Variants in LRFN5 observed in about 807,000 individuals in gnomAD.
The protein encoded by LRFN5 is leucine-rich repeat and fibronectin type-III domain-containing protein 5.
A neutral mutation model predicts 45.6 loss-of-function variants in LRFN5; 24 were observed. The ratio of observed to expected loss-of-function variants is 0.53; its 90% CI spans 0.38 to 0.74. LRFN5 has a LOEUF of 0.74. Ranked by LOEUF, LRFN5 falls within the 30% of genes least tolerant of loss-of-function variation. The pLI, the probability that LRFN5 is intolerant of heterozygous loss-of-function variation, is 0.00. For synonymous variants in LRFN5, 340 were observed against 313.8 expected (o/e 1.08, Z -0.88); for missense variants, 776 against 861.5 (o/e 0.90, Z 1.24).
chr14:41,707,182 A>G (rs1002861518), intron 1 of LRFN5, among the ~76,000 whole-genome samples: 6 of 152,142 alleles, frequency 3.9e-5, no homozygotes, highest in African/African-American at 1.4e-4. Flanking sequence ...CTTAAATGCA[A>G]TTTTATCTTA....
At chr14:41,644,675 G>A (rs1042242531) in intron 1 of LRFN5, among the ~76,000 whole-genome samples, 1 of 152,102 alleles carries the variant, frequency 6.6e-6, no homozygotes, top group African/African-American at 2.4e-5. Flanking sequence ...CTTATCCTAA[G>A]AAAATGTATA....
chr14:41,758,784 A>G (rs1435283055), intron 1 of LRFN5, among the ~76,000 whole-genome samples: 1 of 152,074 alleles, frequency 6.6e-6, no homozygotes, highest in Non-Finnish European at 1.5e-5. Context: ...TCATAGTTTA[A>G]CTTTGTTTCC....
intron 1 of LRFN5, among the ~76,000 whole-genome samples, chr14:41,617,628 C>G (rs1215167081): frequency 6.6e-6 from 1 of 152,094 alleles, no homozygotes; most frequent in Non-Finnish European, 1.5e-5. Flanking sequence ...ACTTTATCCA[C>G]TAGGAGATTC....
intron 4 of LRFN5, among the ~76,000 whole-genome samples, chr14:41,897,111 A>C (rs554619689): frequency 6.6e-6 from 1 of 150,486 alleles, no homozygotes. Context: ...TAAATAAATA[A>C]ATAAATAAAT....
At chr14:41,699,682 A>T (rs1342610293) in intron 1 of LRFN5, 1 of 152,110 alleles carries the variant, frequency 6.6e-6, no homozygotes, top group Admixed American at 6.6e-5. Context: ...ATGTGACACT[A>T]ACACTCCGTG....
Position 41,904,081 on chromosome 14 carries a change from A to G in LRFN5, c.2143-77A>G, listed in dbSNP as rs552844359. 5.3e-5 allele frequency: 66 copies of G among 1,235,370 alleles called. No homozygotes were observed. In the East Asian group the frequency reaches 6.0e-4, roughly 11 times the overall value. 76.5% of individuals were successfully genotyped at this position (1,235,370 alleles called of 1,614,324 possible). A position where few individuals can be genotyped will look rare whatever the true frequency, so the allele number is the denominator to read the frequency against. ...TAGTTACTTTTAGATTGCTAGCACA[A>G]TGATCTTATTAGCTATGTGTTTTCT... On this transcript the variant is annotated intron_variant, in intron 5 of 5. Coordinates refer to ENST00000298119, the MANE Select transcript of LRFN5 (RefSeq NM_152447.5).
intron 1 of LRFN5, among the ~76,000 whole-genome samples, chr14:41,633,499 T>C (rs1888620764): frequency 1.3e-5 from 2 of 152,136 alleles, no homozygotes; most frequent in South Asian, 2.1e-4. Flanking sequence ...GGATTACTCT[T>C]AGATACTGGT....
At chr14:41,901,238 T>A (rs1212619881) in intron 5 of LRFN5, among the ~76,000 whole-genome samples, 2 of 152,090 alleles carry the variant, frequency 1.3e-5, no homozygotes, top group East Asian at 3.8e-4. Flanking sequence ...ACGTGGAAAT[T>A]GACACTTACC....
chr14:41,663,105 A>G (rs2077067), intron 1 of LRFN5, among the ~76,000 whole-genome samples: 6,003 of 152,200 alleles, frequency 0.039, 375 homozygotes, highest in East Asian at 0.28. Context: ...TTTCATATGT[A>G]TAGAAACATG....
intron 1 of LRFN5, among the ~76,000 whole-genome samples, chr14:41,670,203 C>CTG (rs199613410): frequency 0.55 from 62,528 of 113,168 alleles, 18,864 homozygotes; most frequent in East Asian, 0.97. Context: ...TATACATTCT[C>CTG]TGTGTGTGTG....
intron 1 of LRFN5, among the ~76,000 whole-genome samples, chr14:41,707,436 C>G (rs185135388): frequency 1.3e-5 from 2 of 152,138 alleles, no homozygotes; most frequent in Non-Finnish European, 2.9e-5. Flanking sequence ...TTTGCATAAT[C>G]AATCTTTGTA....
At chr14:41,878,379 T>C (rs1890259747) in intron 2 of LRFN5, among the ~76,000 whole-genome samples, 1 of 152,148 alleles carries the variant, frequency 6.6e-6, no homozygotes, top group Non-Finnish European at 1.5e-5. Flanking sequence ...TATAAATTGC[T>C]ACCATATTGG....
intron 2 of LRFN5, among the ~76,000 whole-genome samples, chr14:41,781,060 G>A (rs1468729451): frequency 2.6e-5 from 4 of 151,788 alleles, no homozygotes; most frequent in African/African-American, 4.8e-5. Context: ...TTTGTACTTC[G>A]AACAACTAGC....
chr14:41,622,803 A>T (rs888686452), intron 1 of LRFN5, among the ~76,000 whole-genome samples: 1 of 152,072 alleles, frequency 6.6e-6, no homozygotes, highest in African/African-American at 2.4e-5. Context: ...TGTTATCATG[A>T]TCTATTTTGG....
intron 1 of LRFN5, among the ~76,000 whole-genome samples, chr14:41,625,486 T>C (rs547682605): frequency 6.6e-6 from 1 of 152,276 alleles, no homozygotes; most frequent in East Asian, 1.9e-4. Context: ...TTAAACCTCC[T>C]TATAAATTAC....
At chr14:41,615,124 C>A (rs1187404512) in intron 1 of LRFN5, among the ~76,000 whole-genome samples, 1 of 152,038 alleles carries the variant, frequency 6.6e-6, no homozygotes, top group Non-Finnish European at 1.5e-5. Context: ...GTAAGTTCTC[C>A]TGACATATAT....
intron 2 of LRFN5, among the ~76,000 whole-genome samples, chr14:41,874,938 C>T (rs1044843752): frequency 6.6e-6 from 1 of 152,144 alleles, no homozygotes; most frequent in Non-Finnish European, 1.5e-5. Context: ...CTCATGAGAA[C>T]TCACTCACTG....
chr14:41,659,892 G>GTTTTTTTTTTT (rs11352345), intron 1 of LRFN5, among the ~76,000 whole-genome samples: 31 of 123,878 alleles, frequency 2.5e-4, no homozygotes, highest in Non-Finnish European at 4.7e-4. Context: ...ACTTTTTGAT[G>GTTTTTTTTTTT]TTTTTTTTTT....
chr14:41,892,474 A>G (rs1890820175), intron 4 of LRFN5: 1 of 980,356 alleles, frequency 1.0e-6, no homozygotes, highest in Non-Finnish European at 1.2e-6. Flanking sequence ...TGTAGAAAAA[A>G]GTATTGCATA....
Sources: allele counts gnomAD v4.1 joint callset (sites outside exome capture counted in the v4.1 genomes callset), GRCh38; gene constraint gnomAD v4.1.1; transcripts MANE v1.5; gene names NCBI Gene and HGNC (gene_info 2026-07-23, HGNC 2026-07-21).